Variants in CLIP3 observed in about 807,000 individuals in gnomAD.
CLIP3 encodes CAP-Gly domain containing linker protein 3.
Under a neutral mutation model 59.4 loss-of-function variants are expected in CLIP3, and 15 were observed. The ratio of observed to expected loss-of-function variants is 0.25; its 90% CI spans 0.17 to 0.39. The LOEUF (loss-of-function observed/expected upper bound fraction) is 0.39. Among genes scored for constraint, CLIP3 ranks in the 10% least tolerant of loss-of-function variants. CLIP3 has a pLI of 1.00. For missense variants in CLIP3, 495 were observed against 765.7 expected (o/e 0.65, Z 4.17); for synonymous variants, 300 against 321.6 (o/e 0.93, Z 0.72).
At chr19:36,024,361 C>T (rs1969037124) in intron 7 of CLIP3, 35 bp downstream of exon 7, 3 of 1,573,306 alleles carry the variant, frequency 1.9e-6, no homozygotes, top group African/African-American at 1.3e-5. Flanking sequence ...GTCCCACCCC[C>T]ACCCACCATG....
chr19:36,019,632 C>G (rs1325798839), intron 7 of CLIP3, among the ~76,000 whole-genome samples: 1 of 148,198 alleles, frequency 6.7e-6, no homozygotes, highest in Non-Finnish European at 1.5e-5. Flanking sequence ...GAGACAGCGT[C>G]TCACTCTGTT....
In CLIP3 at chr19:36,017,745, G is replaced by A. The variant is rs201123222; in HGVS notation, c.1361C>T (p.Thr454Ile). 6.2e-7 allele frequency: 1 copy of A among 1,614,178 alleles called. No individual in the cohort carries two copies. Among genetic ancestry groups the A allele is most frequent in the Non-Finnish European group, 8.5e-7 (1 of 1,180,024 alleles). ...GAAGACAGAGCCATCATGCTTGCCT[G>A]TGGGCTGGTCCAGCTCAATGCCATA... ...YWYGIELDQP[T>I]GKHDGSVFGV... Residue 454 changes from threonine (T) to isoleucine (I), a missense_variant, in exon 11 of 14, where the codon ACA becomes ATA. Thr to Ile is a moderately conservative substitution (Grantham distance 89, BLOSUM62 -1). Transcript: ENST00000360535.
Position 36,026,487 on chromosome 19 carries a change from G to A in CLIP3, c.562+99C>T. Reference sequence around the variant, plus strand: ...CCTCCAACCTCCCGCTATCTCCTCAGATCACCGTCCTCCTTCCCCTCGCAG... The same window carrying A: ...CCTCCAACCTCCCGCTATCTCCTCAAATCACCGTCCTCCTTCCCCTCGCAG... On this transcript the variant is annotated intron_variant, in intron 5 of 13. Transcript: ENST00000360535. The surrounding 1 kb of genome is among the most constrained non-coding windows in gnomAD (Gnocchi z 6.3). 6.6e-7 allele frequency: 1 copy of A among 1,517,188 alleles called. No individual in the cohort carries two copies. The highest frequency in any genetic ancestry group is 9.0e-7 in the Non-Finnish European group (1 of 1,115,440). 94.0% of individuals were successfully genotyped at this position (1,517,188 alleles called of 1,614,324 possible). A position where few individuals can be genotyped will look rare whatever the true frequency, so the allele number is the denominator to read the frequency against.
rs1365065054 is a variant in CLIP3, at chr19:36,016,056, G to A, written c.*102C>T. The A allele has an allele frequency of 5.6e-6, 7 of 1,242,670 alleles. No individual in the cohort carries two copies. The highest frequency in any genetic ancestry group is 8.2e-6 in the Non-Finnish European group (7 of 855,720). 77.0% of individuals were successfully genotyped at this position (1,242,670 alleles called of 1,614,324 possible). On this transcript the variant is annotated 3_prime_UTR_variant, in exon 14 of 14. Coordinates refer to ENST00000360535, the MANE Select transcript of CLIP3 (RefSeq NM_015526.3). The surrounding 1 kb of genome is among the most constrained non-coding windows in gnomAD (Gnocchi z 4.1). ...GCTGGCTAACAGGGGTCTCTACTCT[G>A]GATGTGTTACTGGGAATCTCTATCT... is the stretch of plus-strand genomic sequence containing the variant.
Position 36,024,546 on chromosome 19 carries a change from C to G in CLIP3, c.768G>C (p.Lys256Asn). 6.2e-7 allele frequency: 1 copy of G among 1,614,262 alleles called. No homozygotes were observed. Among genetic ancestry groups the G allele is most frequent in the Non-Finnish European group, 8.5e-7 (1 of 1,180,054 alleles). ...LDKAEAALVA[K>N]ELRTLLEEAV... is the part of the protein sequence containing the mutation. ...CCTCTTCCAGAAGCGTCCGCAGCTC[C>G]TTGGCCACCAGTGCCGCCTCTGCCT... Residue 256 changes from lysine (K) to asparagine (N), a missense_variant, in exon 7 of 14, where the codon AAG (lysine) becomes AAC (asparagine). Transcript: ENST00000360535.
chr19:36,019,463 T>C, intron 7 of CLIP3, 157 bp from the exon 8 acceptor site: 2 of 843,078 alleles, frequency 2.4e-6, no homozygotes, highest in Non-Finnish European at 3.8e-6. Context: ...TTAACCTCTG[T>C]GTGCCTCAAC....
chr19:36,030,332 C>T (rs1969223113), intron 2 of CLIP3, among the ~76,000 whole-genome samples: 1 of 152,136 alleles, frequency 6.6e-6, no homozygotes, highest in Non-Finnish European at 1.5e-5. Context: ...GGATTATAAG[C>T]CAGAACCACT....
chr19:36,017,600 G>C (rs1430194102), intron 11 of CLIP3, 55 bp downstream of exon 11: 5 of 1,610,506 alleles, frequency 3.1e-6, no homozygotes, highest in African/African-American at 1.3e-5. Flanking sequence ...GCCATCTGAG[G>C]GGGGATCAGG....
chr19:36,023,355 C>T (rs1285533085), intron 7 of CLIP3, among the ~76,000 whole-genome samples: 1 of 152,186 alleles, frequency 6.6e-6, no homozygotes, highest in Admixed American at 6.5e-5. Context: ...AACACTGCCC[C>T]TTCCTGCCTC....
rs1968801740 is a variant in CLIP3, at chr19:36,016,429, C to T, written c.1590-217G>A. 6.6e-6 allele frequency among the ~76,000 whole-genome samples: 1 copy of T among 152,204 alleles called. No homozygotes were observed. Among genetic ancestry groups the T allele is most frequent in the African/African-American group, 2.4e-5 (1 of 41,446 alleles). ...ATGGCACGATCTCGGCTCACTGCAA[C>T]CTCTGCCTCCCAGGTTCAAGCAATT... On this transcript the variant is annotated intron_variant, in intron 13 of 13. Coordinates refer to ENST00000360535, the MANE Select transcript of CLIP3 (RefSeq NM_015526.3). The surrounding 1 kb of genome is among the most constrained non-coding windows in gnomAD (Gnocchi z 4.1).
rs568350105 is a variant in CLIP3 at position 36,022,794 on chromosome 19, G to T, written c.918+1602C>A. Among the ~76,000 whole-genome samples, 5 of 152,232 alleles carry T rather than the reference G, an allele frequency of 3.3e-5. No individual in the cohort carries two copies. In the South Asian group the frequency reaches 1.0e-3, roughly 32 times the overall value. On this transcript the variant is annotated intron_variant, in intron 7 of 13. Transcript: ENST00000360535. Reference sequence around the variant, plus strand: ...TAAAAGGCCAGGCGCGGTGGCTCACGCCTGTAATCCCAGCACTTTGGGAGG... The same window carrying T: ...TAAAAGGCCAGGCGCGGTGGCTCACTCCTGTAATCCCAGCACTTTGGGAGG...
intron 7 of CLIP3, among the ~76,000 whole-genome samples, chr19:36,024,092 A>G (rs1372856439): frequency 6.6e-6 from 1 of 152,152 alleles, no homozygotes; most frequent in Non-Finnish European, 1.5e-5. Context: ...GGGGGGAGCC[A>G]CAGGTGCACA....
intron 8 of CLIP3, 60 bp downstream of exon 8, chr19:36,019,110 GC>G: frequency 6.2e-7 from 1 of 1,606,558 alleles, no homozygotes; most frequent in Middle Eastern, 1.7e-4. Context: ...CCAGTCAGCA[GC>G]ATCAGAACTG....
At chr19:36,024,188 C>A (rs925563358) in intron 7 of CLIP3, among the ~76,000 whole-genome samples, 1 of 152,206 alleles carries the variant, frequency 6.6e-6, no homozygotes, top group Admixed American at 6.5e-5. Context: ...GGTTGTTTCC[C>A]ACCCTGGATG....
rs897111802 is a variant in CLIP3, at chr19:36,032,397, G to T, written c.-40C>A. ...CTCGGGGGGCGGGTGCAGAGTTGGG[G>T]GCAGCCTTCAGGCAAATCCTGGAGG... On this transcript the variant is annotated 5_prime_UTR_variant, in exon 2 of 14. Transcript: ENST00000360535. This position sits in a 1 kb window ranked among gnomAD's most constrained non-coding sequence, Gnocchi z 4.3. 86 of 1,101,822 alleles carry T rather than the reference G, an allele frequency of 7.8e-5. No homozygotes were observed. The highest frequency in any genetic ancestry group is 9.5e-5 in the Non-Finnish European group (81 of 856,572). The allele number at this position is 1,101,822 out of a possible 1,614,324, so 68.3% of individuals were successfully genotyped here.
At chr19:36,022,454 T>TG (rs757746532) in intron 7 of CLIP3, among the ~76,000 whole-genome samples, 19 of 152,338 alleles carry the variant, frequency 1.2e-4, no homozygotes, top group Admixed American at 2.0e-4. Flanking sequence ...CCTGAGTTCA[T>TG]GACGCTGTGC....
chr19:36,021,898 A>G (rs891807853), intron 7 of CLIP3, among the ~76,000 whole-genome samples: 5 of 150,688 alleles, frequency 3.3e-5, no homozygotes, highest in African/African-American at 1.2e-4. Context: ...TTTTTTTTGG[A>G]GACGGAGTCT....
In CLIP3 at chr19:36,022,542, A is replaced by G. The variant is rs772690093; in HGVS notation, c.918+1854T>C. On this transcript the variant is annotated intron_variant, in intron 7 of 13. Coordinates refer to ENST00000360535, the MANE Select transcript of CLIP3 (RefSeq NM_015526.3). Reference sequence around the variant, plus strand: ...GTTTTCACCTGTTGGAGCCTCTTATAGTCTGGCTTGTAAAATGGGAAGAGT... The same window carrying G: ...GTTTTCACCTGTTGGAGCCTCTTATGGTCTGGCTTGTAAAATGGGAAGAGT... Among the ~76,000 whole-genome samples, 93 of 152,178 alleles carry G rather than the reference A, an allele frequency of 6.1e-4. 1 individual carries two copies. The highest frequency in any genetic ancestry group is 5.9e-4 in the Admixed American group (9 of 15,264).
intron 2 of CLIP3, among the ~76,000 whole-genome samples, chr19:36,029,839 T>C (rs1969210904): frequency 6.6e-6 from 1 of 152,118 alleles, no homozygotes; most frequent in Non-Finnish European, 1.5e-5. Context: ...CACCTTAGCC[T>C]TCTCCCTGTC....
Sources: allele counts gnomAD v4.1 joint callset (sites outside exome capture counted in the v4.1 genomes callset), GRCh38; gene constraint gnomAD v4.1.1; non-coding constraint Gnocchi (gnomAD v3.1); transcripts MANE v1.5; gene names NCBI Gene and HGNC (gene_info 2026-07-23, HGNC 2026-07-21).